The following NAALADL2 variants were observed in gnomAD, a reference collection of about 807,000 sequenced individuals.
The protein encoded by NAALADL2 is inactive N-acetylated-alpha-linked acidic dipeptidase-like protein 2.
A neutral mutation model predicts 87.2 loss-of-function variants in NAALADL2; 76 were observed. The observed-to-expected ratio is 0.87, with a 90% CI of 0.72 to 1.05. The LOEUF (loss-of-function observed/expected upper bound fraction) is 1.05, where lower values mean the gene tolerates loss of function less well. Ranked by LOEUF, NAALADL2 falls within the 50% of genes least tolerant of loss-of-function variation. The pLI is 0.00. For missense variants in NAALADL2, 1,089 were observed against 945.8 expected (o/e 1.15, Z -1.99); for synonymous variants, 354 against 331.0 (o/e 1.07, Z -0.75).
chr3:175,057,127 G>A (rs1231324552), intron 1 of NAALADL2, among the ~76,000 whole-genome samples: 1 of 152,164 alleles, frequency 6.6e-6, no homozygotes, highest in Admixed American at 6.5e-5. Flanking sequence ...TTGGCAAGAT[G>A]TTACTCATTC....
chr3:174,472,923 GT>G (rs1716992799), intron 1 of NAALADL2, among the ~76,000 whole-genome samples: 2 of 152,182 alleles, frequency 1.3e-5, no homozygotes, highest in Admixed American at 1.3e-4. Context: ...CGTTCAATGA[GT>G]AGGAGATACG....
At chr3:174,891,516 G>A (rs564434518) in intron 1 of NAALADL2, among the ~76,000 whole-genome samples, 1 of 152,212 alleles carries the variant, frequency 6.6e-6, no homozygotes, top group South Asian at 2.1e-4. Flanking sequence ...ACACATTTGT[G>A]AGGCATTGAA....
intron 3 of NAALADL2, among the ~76,000 whole-genome samples, chr3:174,835,878 T>C (rs1458567687): frequency 2.0e-5 from 3 of 152,190 alleles, no homozygotes; most frequent in Admixed American, 1.3e-4. Flanking sequence ...TGTAGAACAA[T>C]TGGAACTCTT....
At chr3:175,467,780 A>C (rs955432262) in intron 8 of NAALADL2, among the ~76,000 whole-genome samples, 1 of 152,140 alleles carries the variant, frequency 6.6e-6, no homozygotes, top group Non-Finnish European at 1.5e-5. Context: ...GAAATCTAGC[A>C]TGCAATGAGG....
At chr3:175,203,042 C>T (rs1027698067) in intron 2 of NAALADL2, among the ~76,000 whole-genome samples, 1 of 152,050 alleles carries the variant, frequency 6.6e-6, no homozygotes, top group Non-Finnish European at 1.5e-5. Flanking sequence ...AGAACTTGCC[C>T]CAGGCTACCA....
intron 3 of NAALADL2, among the ~76,000 whole-genome samples, chr3:174,831,243 T>G (rs71623677): frequency 0.097 from 14,529 of 149,244 alleles, 820 homozygotes; most frequent in Middle Eastern, 0.13. Flanking sequence ...TGGCTGTGGG[T>G]TTGTCATAGA....
intron 2 of NAALADL2, among the ~76,000 whole-genome samples, chr3:174,624,548 C>T (rs752901433): frequency 7.9e-5 from 12 of 151,366 alleles, no homozygotes; most frequent in African/African-American, 1.2e-4. Context: ...TGCTTTAACC[C>T]GGGAGGTGGA....
chr3:174,731,081 C>T lies in NAALADL2; in HGVS notation c.-114-6560C>T, dbSNP rs113027015. Reference sequence around the variant, plus strand: ...TCCTATTTTTATTCCTATTTCTACCCGCACACTATCATGGAAAGTGCTACC... The same window carrying T: ...TCCTATTTTTATTCCTATTTCTACCTGCACACTATCATGGAAAGTGCTACC... On this transcript the variant is annotated intron_variant, in intron 2 of 3. Transcript: ENST00000434257. Among the ~76,000 whole-genome samples, 15 of 152,050 alleles carry T rather than the reference C, an allele frequency of 9.9e-5. No individual in the cohort carries two copies. In the South Asian group the frequency reaches 1.0e-3, roughly 11 times the overall value.
At position 175,447,228 on chromosome 3, in the gene NAALADL2, G is replaced by A; in HGVS notation, c.1091-1G>A. 11 of 1,573,456 alleles carry A rather than the reference G, an allele frequency of 7.0e-6. No individual in the cohort carries two copies. Among genetic ancestry groups the A allele is most frequent in the Non-Finnish European group, 9.4e-6 (11 of 1,164,120 alleles). ...TATCTTCCTTTGTCTTTTGAATACAGATGAAAGTTTTAGACAAAGCCGATC... is the reference window on the plus strand; with the variant it reads ...TATCTTCCTTTGTCTTTTGAATACAAATGAAAGTTTTAGACAAAGCCGATC... On this transcript the variant is annotated splice_acceptor_variant, in intron 5 of 13. Coordinates refer to ENST00000454872, the MANE Select transcript of NAALADL2 (RefSeq NM_207015.3). LOFTEE classifies it high-confidence loss of function.
In NAALADL2 at chr3:174,451,967, C is replaced by T. The variant is rs180855421; in HGVS notation, c.-184+10935C>T. ...AAGAGATTCTCGTGCCTCAGCCTCC[C>T]GAGTAGCTGGGATTACAAGTGTGTG... On this transcript the variant is annotated intron_variant, in intron 1 of 3. Coordinates refer to the NAALADL2 transcript ENST00000434257. Among the ~76,000 whole-genome samples, 1,477 of 150,622 alleles carry T rather than the reference C, an allele frequency of 9.8e-3. 10 individuals carry two copies. The highest frequency in any genetic ancestry group is 0.013 in the Non-Finnish European group (861 of 67,752).
intron 1 of NAALADL2, among the ~76,000 whole-genome samples, chr3:174,921,202 T>TA (rs1029091463): frequency 4.6e-5 from 7 of 152,180 alleles, no homozygotes; most frequent in Non-Finnish European, 1.0e-4. Context: ...CTTCAATTTC[T>TA]AAAAAACACA....
intron 1 of NAALADL2, among the ~76,000 whole-genome samples, chr3:175,045,928 A>C (rs1056489931): frequency 1.3e-5 from 2 of 152,130 alleles, no homozygotes; most frequent in African/African-American, 4.8e-5. Flanking sequence ...AAACAAAATT[A>C]ATAAGTGCCT....
chr3:175,646,422 T>C (rs940609831), intron 11 of NAALADL2, among the ~76,000 whole-genome samples: 3 of 152,144 alleles, frequency 2.0e-5, no homozygotes, highest in African/African-American at 7.2e-5. Context: ...ATATCACTTA[T>C]GTGGATGGTT....
intron 2 of NAALADL2, among the ~76,000 whole-genome samples, chr3:174,653,993 A>G (rs1013309533): frequency 6.6e-6 from 1 of 151,670 alleles, no homozygotes; most frequent in Non-Finnish European, 1.5e-5. Flanking sequence ...GCTGCAACTT[A>G]TCTCAGGATT....
intron 2 of NAALADL2, among the ~76,000 whole-genome samples, chr3:174,680,359 T>C (rs987519708): frequency 6.6e-6 from 1 of 152,230 alleles, no homozygotes; most frequent in Admixed American, 6.5e-5. Flanking sequence ...TCATGACTAC[T>C]GCTTTTGACA....
intron 2 of NAALADL2, among the ~76,000 whole-genome samples, chr3:174,716,477 G>A (rs1731200944): frequency 6.6e-6 from 1 of 151,994 alleles, no homozygotes. Context: ...ATCAGTAAAA[G>A]AGAAACTCTC....
intron 1 of NAALADL2, among the ~76,000 whole-genome samples, chr3:175,035,975 T>C (rs1753360916): frequency 6.6e-6 from 1 of 152,172 alleles, no homozygotes; most frequent in Admixed American, 6.6e-5. Flanking sequence ...CTTGTATAGA[T>C]GAGGCAAGTA....
intron 1 of NAALADL2, among the ~76,000 whole-genome samples, chr3:174,452,517 C>T (rs576519008): frequency 5.9e-5 from 9 of 152,242 alleles, no homozygotes; most frequent in South Asian, 2.1e-4. Flanking sequence ...CACCACCCAT[C>T]GGTGTATAGT....
chr3:175,662,257 G>A (rs1423645388), intron 11 of NAALADL2, among the ~76,000 whole-genome samples: 2 of 151,758 alleles, frequency 1.3e-5, no homozygotes, highest in Admixed American at 6.6e-5. Context: ...TATAGCGATT[G>A]TAAATGGAAT....
Sources: allele counts gnomAD v4.1 joint callset (sites outside exome capture counted in the v4.1 genomes callset), GRCh38; gene constraint gnomAD v4.1.1; transcripts MANE v1.5; gene names NCBI Gene and HGNC (gene_info 2026-07-23, HGNC 2026-07-21).